ATL2: variants seen among roughly 807,000 people sequenced by gnomAD.
The protein encoded by ATL2 is atlastin GTPase 2.
In ATL2, 31 loss-of-function variants were observed where a neutral mutation model predicts 73.9. The observed-to-expected ratio is 0.42, with a 90% confidence interval of 0.32 to 0.57. ATL2 has a LOEUF of 0.57. ATL2 is among the 20% of genes least tolerant of loss of function. The probability of loss-of-function intolerance (pLI) is 0.14; values close to 1 mark genes in which losing one functional copy is unlikely to be tolerated. For missense variants in ATL2, 738 were observed against 702.6 expected, an observed-to-expected ratio of 1.05 and a Z score of -0.57; for synonymous variants, 291 against 237.5, an observed-to-expected ratio of 1.23 and a Z score of -2.07.
chr2:38,363,167 T>C (rs919395091), intron 1 of ATL2, among the ~76,000 whole-genome samples: 1 of 152,142 alleles, frequency 6.6e-6, no homozygotes, highest in African/African-American at 2.4e-5. Context: ...GGATACACAT[T>C]TTGTAAGTAA....
At position 38,305,065 on chromosome 2, in the gene ATL2, T is replaced by C. The variant is rs190516347; in HGVS notation, c.1071+4314A>G. Reference sequence around the variant, plus strand: ...TAAAGGTATGGAAAAAGATACTCCATGCAAATGGAAACCAAAAAAAAAGAG... The same window carrying C: ...TAAAGGTATGGAAAAAGATACTCCACGCAAATGGAAACCAAAAAAAAAGAG... On this transcript the variant is annotated intron_variant, in intron 9 of 12. Coordinates refer to ENST00000378954, the MANE Select transcript of ATL2 (RefSeq NM_001135673.4). 2.7e-5 allele frequency among the ~76,000 whole-genome samples: 4 copies of C among 147,724 alleles called. No individual in the cohort carries two copies. The East Asian group carries it at 7.8e-4, about 29-fold the overall frequency.
intron 2 of ATL2, among the ~76,000 whole-genome samples, chr2:38,324,042 G>A (rs777084193): frequency 2.0e-5 from 3 of 152,206 alleles, no homozygotes; most frequent in Non-Finnish European, 4.4e-5. Flanking sequence ...TTGGGAAGCC[G>A]AGGCGGGCGG....
At chr2:38,364,969 G>A (rs967686213) in intron 1 of ATL2, among the ~76,000 whole-genome samples, 7 of 151,836 alleles carry the variant, frequency 4.6e-5, no homozygotes, top group Non-Finnish European at 7.4e-5. Flanking sequence ...GCGTGAACCC[G>A]GGAGGCGGAG....
intron 7 of ATL2, 150 bp downstream of exon 7, chr2:38,313,001 C>T (rs566082345): frequency 1.8e-6 from 1 of 570,396 alleles, no homozygotes; most frequent in African/African-American, 1.9e-5. Flanking sequence ...CTTTACTTTT[C>T]ATCAATTACA....
rs34388748 is a variant in ATL2 at position 38,294,640 on chromosome 2, CAAA to C, written c.*1351_*1353del. On this transcript the variant is annotated 3_prime_UTR_variant, in exon 13 of 13. Coordinates refer to ENST00000378954, the MANE Select transcript of ATL2 (RefSeq NM_001135673.4). ...AAAATGCTAGCCTTACATATACCAC[CAAA>C]AAAAAAAAAAGAGAGAGAAAGAAAT... 3.5e-5 allele frequency among the ~76,000 whole-genome samples: 5 copies of C among 142,368 alleles called. No homozygotes were observed. Among genetic ancestry groups the C allele is most frequent in the Non-Finnish European group, 4.6e-5 (3 of 65,154 alleles). The allele number at this position is 142,368 out of a possible 152,430, so 93.4% of individuals were successfully genotyped here.
intron 2 of ATL2, among the ~76,000 whole-genome samples, chr2:38,320,987 C>CAAAAA (rs34929294): frequency 9.5e-5 from 9 of 94,530 alleles, no homozygotes; most frequent in African/African-American, 3.4e-4. Context: ...ACCAAAATGA[C>CAAAAA]AAAAAAAAAA....
At chr2:38,332,731 G>A (rs1366886886) in intron 2 of ATL2, among the ~76,000 whole-genome samples, 1 of 152,124 alleles carries the variant, frequency 6.6e-6, no homozygotes, top group Admixed American at 6.5e-5. Context: ...CAGAGTCCAG[G>A]GGAGAATGAA....
intron 4 of ATL2, 150 bp from the exon 5 acceptor site, chr2:38,315,484 G>A (rs1195132624): frequency 3.8e-6 from 3 of 792,772 alleles, no homozygotes; most frequent in South Asian, 2.0e-5. Flanking sequence ...CATGTGAAAA[G>A]GATTTTCTCT....
chr2:38,360,381 G>C (rs935760038), intron 1 of ATL2, among the ~76,000 whole-genome samples: 1 of 151,752 alleles, frequency 6.6e-6, no homozygotes, highest in Non-Finnish European at 1.5e-5. Context: ...GACCCCCAAG[G>C]CTCAAGACAT....
chr2:38,341,410 G>A (rs1669710236), intron 2 of ATL2, among the ~76,000 whole-genome samples: 2 of 152,174 alleles, frequency 1.3e-5, no homozygotes, highest in African/African-American at 4.8e-5. Context: ...GCTGAGGTGG[G>A]AGAATCACTT....
chr2:38,327,070 AC>A (rs1272632450), intron 2 of ATL2, among the ~76,000 whole-genome samples: 7 of 151,854 alleles, frequency 4.6e-5, no homozygotes, highest in South Asian at 2.1e-4. Context: ...AGAAAAAAAA[AC>A]CCCACCAAAC....
At chr2:38,376,182 A>G (rs1671952323) in intron 1 of ATL2, 2 of 1,521,692 alleles carry the variant, frequency 1.3e-6, no homozygotes, top group African/African-American at 2.8e-5. Context: ...AGTACCATCA[A>G]AATTTTCAAT....
intron 1 of ATL2, among the ~76,000 whole-genome samples, chr2:38,352,582 C>G (rs939950881): frequency 3.9e-5 from 6 of 152,174 alleles, no homozygotes; most frequent in African/African-American, 1.4e-4. Context: ...GGACAACAAG[C>G]ATCACAGGTG....
Position 38,318,526 on chromosome 2 carries a change from G to C in ATL2, c.603+9C>G. 6.4e-7 allele frequency: 1 copy of C among 1,561,054 alleles called. No individual in the cohort carries two copies. Among genetic ancestry groups the C allele is most frequent in the Non-Finnish European group, 8.7e-7 (1 of 1,154,836 alleles). On this transcript the variant is annotated intron_variant, in intron 4 of 12. Coordinates refer to ENST00000378954, the MANE Select transcript of ATL2 (RefSeq NM_001135673.4). ...TGAACTGATCGCACCACTTAATCTTGTGTCTCACCTGGACAGAGCTAGTCA... is the reference window on the plus strand; with the variant it reads ...TGAACTGATCGCACCACTTAATCTTCTGTCTCACCTGGACAGAGCTAGTCA...
intron 2 of ATL2, among the ~76,000 whole-genome samples, chr2:38,334,708 AAC>A (rs1669203380): frequency 6.6e-6 from 1 of 150,936 alleles, no homozygotes; most frequent in African/African-American, 2.4e-5. Flanking sequence ...CAAACAAACA[AAC>A]AAACAAAAAA....
At chr2:38,334,869 TA>T (rs1312316719) in intron 2 of ATL2, among the ~76,000 whole-genome samples, 1 of 137,662 alleles carries the variant, frequency 7.3e-6, no homozygotes, top group African/African-American at 2.6e-5. Context: ...ATATATTATA[TA>T]ATATATATTA....
At chr2:38,296,510 T>A (rs997959872) in intron 12 of ATL2, 1 of 1,613,872 alleles carries the variant, frequency 6.2e-7, no homozygotes, top group East Asian at 2.2e-5. Context: ...TATTGTTGGA[T>A]GACAGTCTCT....
chr2:38,298,427 G>T lies in ATL2; in HGVS notation c.1349C>A (p.Ala450Asp). ...FCRRYQDQLE[A>D]EIEETYANFI... ...ATTTGCATAGGTTTCTTCAATTTCA[G>T]CTTCAAGCTGGTCCTGATAACGACG... Residue 450 changes from alanine to aspartate, a missense_variant, in exon 12 of 13, where the codon GCT becomes GAT. Transcript: ENST00000378954. 6.2e-7 allele frequency: 1 copy of T among 1,614,148 alleles called. No individual in the cohort carries two copies. The highest frequency in any genetic ancestry group is 1.1e-5 in the South Asian group (1 of 91,084).
At chr2:38,339,081 T>C (rs1669542852) in intron 2 of ATL2, among the ~76,000 whole-genome samples, 1 of 151,810 alleles carries the variant, frequency 6.6e-6, no homozygotes, top group Non-Finnish European at 1.5e-5. Flanking sequence ...CTGTGTGTGG[T>C]GGCAGGCACC....
Sources: gnomAD v4.1 joint callset for allele counts (sites outside exome capture counted in the v4.1 genomes callset) on GRCh38, gnomAD v4.1.1 for gene constraint, MANE v1.5 for transcripts, NCBI Gene and HGNC (gene_info 2026-07-23, HGNC 2026-07-21) for gene names.